Variants in CFAP251 observed in about 807,000 individuals in gnomAD.
The protein encoded by CFAP251 is cilia and flagella associated protein 251.
A neutral mutation model predicts 126.7 loss-of-function variants in CFAP251; 93 were observed. That is an observed-to-expected ratio of 0.73 (90% CI 0.62 to 0.87). CFAP251 has a LOEUF of 0.87. CFAP251 is among the 40% of genes least tolerant of loss of function. The probability of loss-of-function intolerance (pLI) is 0.00; values close to 1 mark genes in which losing one functional copy is unlikely to be tolerated. For synonymous variants in CFAP251, 503 were observed against 506.9 expected (o/e 0.99, Z 0.10); for missense variants, 1,287 against 1,389.2 (o/e 0.93, Z 1.17).
intron 13 of CFAP251, 70 bp from the exon 14 acceptor site, chr12:121,960,515 G>C: frequency 6.4e-7 from 1 of 1,564,264 alleles, no homozygotes; most frequent in Non-Finnish European, 8.8e-7. Context: ...ACCGCGCCTG[G>C]CCCATAATGA....
At chr12:122,002,821 A>G (rs954586697) in intron 21 of CFAP251, among the ~76,000 whole-genome samples, 5 of 152,102 alleles carry the variant, frequency 3.3e-5, no homozygotes, top group African/African-American at 1.2e-4. Context: ...GTCAGATCCC[A>G]CCACCATCAC....
At chr12:121,994,119 C>T (rs1882964720) in intron 19 of CFAP251, among the ~76,000 whole-genome samples, 1 of 115,864 alleles carries the variant, frequency 8.6e-6, no homozygotes, top group African/African-American at 3.4e-5. Context: ...AGGAGCCCCT[C>T]TGCCCGGCCA....
intron 19 of CFAP251, among the ~76,000 whole-genome samples, chr12:121,985,145 TTAAA>T (rs1882715535): frequency 6.6e-6 from 1 of 152,360 alleles, no homozygotes; most frequent in Admixed American, 6.5e-5. Context: ...TAGAAAGGAA[TTAAA>T]TAGTCACTTA....
chr12:121,999,994 T>G, intron 20 of CFAP251, 50 bp downstream of exon 20: 1 of 1,517,012 alleles, frequency 6.6e-7, no homozygotes, highest in Non-Finnish European at 9.1e-7. Context: ...CCATTCCCAG[T>G]GTAGAGAACT....
chr12:121,924,522 T>C (rs1880329689), intron 3 of CFAP251, among the ~76,000 whole-genome samples: 1 of 143,920 alleles, frequency 6.9e-6, no homozygotes, highest in Non-Finnish European at 1.5e-5. Flanking sequence ...AACCTCCGCC[T>C]CCCGGGTTCA....
intron 19 of CFAP251, among the ~76,000 whole-genome samples, chr12:121,978,025 A>C (rs1206365432): frequency 3.3e-5 from 5 of 151,916 alleles, no homozygotes; most frequent in Admixed American, 3.3e-4. Flanking sequence ...AAACTAATTG[A>C]TACCACATGG....
intron 21 of CFAP251, chr12:122,001,799 CT>C: frequency 1.7e-6 from 1 of 585,518 alleles, no homozygotes. Flanking sequence ...TCTGTCCGTC[CT>C]TTTGTTTCTT....
Position 121,984,575 on chromosome 12 carries a change from G to A in CFAP251, c.3006+8890G>A, listed in dbSNP as rs561412938. 2.0e-5 allele frequency among the ~76,000 whole-genome samples: 3 copies of A among 152,212 alleles called. No individual in the cohort carries two copies. The South Asian group carries it at 6.2e-4, about 32-fold the overall frequency. On this transcript the variant is annotated intron_variant, in intron 19 of 21. Transcript: ENST00000288912. The stretch of plus-strand genomic sequence containing the variant: ...CCTGCCTTGGCCTCCCAAAGTGCTG[G>A]GATTACAAGGTGTGAGCCACGGCGC...
chr12:121,942,390 T>C (rs1374269681), intron 5 of CFAP251, 144 bp from the exon 6 acceptor site: 1 of 570,306 alleles, frequency 1.8e-6, no homozygotes, highest in African/African-American at 1.9e-5. Context: ...TTCCCTTTTA[T>C]GACTCAGAAA....
At chr12:121,926,832 A>C (rs1880438266) in intron 3 of CFAP251, among the ~76,000 whole-genome samples, 1 of 152,088 alleles carries the variant, frequency 6.6e-6, no homozygotes, top group African/African-American at 2.4e-5. Context: ...AATCCCAGCT[A>C]CTTAGGAGAC....
At chr12:121,928,705 T>TACGTATATATATATATA (rs370530855) in intron 3 of CFAP251, among the ~76,000 whole-genome samples, 1 of 48,298 alleles carries the variant, frequency 2.1e-5, no homozygotes, top group African/African-American at 5.3e-5. Flanking sequence ...TATATATATA[T>TACGTATATATATATATA]TTTTTTTTTG....
chr12:121,939,495 C>T (rs1881022116), intron 5 of CFAP251, among the ~76,000 whole-genome samples: 1 of 152,146 alleles, frequency 6.6e-6, no homozygotes, highest in Non-Finnish European at 1.5e-5. Context: ...TGACCAACAC[C>T]TTCACCAGAC....
rs191459953 is a variant in CFAP251, at chr12:121,957,119, T to A, written c.1581T>A (p.Asp527Glu). 1.4e-4 allele frequency: 228 copies of A among 1,612,646 alleles called. No individual in the cohort carries two copies. In the African/African-American group the frequency reaches 2.9e-3, roughly 20 times the overall value. Reference protein sequence around the residue: ...GDIKGNIKFYDHTLSIVNWYS... With the variant: ...GDIKGNIKFYEHTLSIVNWYS... ...TTAAGGGGAACATTAAGTTCTATGATCACACCCTGTCTATTGTTAACTGGT... is the reference window on the plus strand; with the variant it reads ...TTAAGGGGAACATTAAGTTCTATGAACACACCCTGTCTATTGTTAACTGGT... Residue 527 changes from aspartate (D) to glutamate (E), a missense_variant, in exon 11 of 22, where the codon GAT (aspartate) becomes GAA (glutamate). Transcript: ENST00000288912.
intron 1 of CFAP251, 63 bp from the exon 2 acceptor site, chr12:121,921,223 G>A (rs1880156324): frequency 2.7e-6 from 4 of 1,492,584 alleles, no homozygotes; most frequent in Non-Finnish European, 3.6e-6. Context: ...GTAGGTTAGT[G>A]CACTAGGAGA....
chr12:121,963,927 G>A (rs1233370631), intron 15 of CFAP251, among the ~76,000 whole-genome samples: 7 of 151,848 alleles, frequency 4.6e-5, no homozygotes, highest in Non-Finnish European at 8.8e-5. Context: ...TGGTTTGGCT[G>A]TGTCTTGGGT....
chr12:121,983,171 GAC>G, intron 19 of CFAP251, among the ~76,000 whole-genome samples: 1 of 152,174 alleles, frequency 6.6e-6, no homozygotes, highest in Admixed American at 6.5e-5. Context: ...AGGAGATCAA[GAC>G]TGTAGTGAGC....
intron 17 of CFAP251, among the ~76,000 whole-genome samples, chr12:121,970,144 C>T (rs1882284638): frequency 6.6e-6 from 1 of 152,146 alleles, no homozygotes; most frequent in South Asian, 2.1e-4. Flanking sequence ...CCCCTTGGCC[C>T]CAACTGCTAC....
Position 121,923,811 on chromosome 12 carries a change from C to T in CFAP251, c.568C>T (p.Pro190Ser), listed in dbSNP as rs1489473204. 3 of 1,614,110 alleles carry T rather than the reference C, an allele frequency of 1.9e-6. No homozygotes were observed. The highest frequency in any genetic ancestry group is 2.2e-5 in the East Asian group (1 of 44,876). ...GCTTGAGGAGAAAACCGACCGGATG[C>T]CCCAAGATGAACTGGGACAAGAAAG... ...GELEEKTDRM[P>S]QDELGQERRD... The change falls in exon 3 of 22, where the codon CCC becomes TCC. Residue 190 changes from proline to serine, a missense_variant. By Grantham distance (74) the Pro-to-Ser change is moderately conservative (BLOSUM62 -1). Coordinates refer to ENST00000288912, the MANE Select transcript of CFAP251 (RefSeq NM_144668.6).
Position 121,958,274 on chromosome 12 carries a change from A to C in CFAP251, c.1733A>C (p.Asn578Thr). Residue 578 changes from asparagine to threonine, a missense_variant and splice_region_variant, in exon 12 of 22, where the codon AAT (asparagine) becomes ACT (threonine). By Grantham distance (65) the Asn-to-Thr change is moderately conservative. Coordinates refer to ENST00000288912, the MANE Select transcript of CFAP251 (RefSeq NM_144668.6). ...TLKGDLFVLR[N>T]FIIGTSDAAV... is the part of the protein sequence containing the mutation. ...TTTGGTCTCTCCTTGGCAAACAGGAATTTTATCATTGGAACATCTGATGCC... is the reference window on the plus strand; with the variant it reads ...TTTGGTCTCTCCTTGGCAAACAGGACTTTTATCATTGGAACATCTGATGCC... 6.2e-7 allele frequency: 1 copy of C among 1,613,954 alleles called. No individual in the cohort carries two copies. The highest frequency in any genetic ancestry group is 8.5e-7 in the Non-Finnish European group (1 of 1,179,842).
Sources: allele counts gnomAD v4.1 joint callset (sites outside exome capture counted in the v4.1 genomes callset), GRCh38; gene constraint gnomAD v4.1.1; transcripts MANE v1.5; gene names NCBI Gene and HGNC (gene_info 2026-07-23, HGNC 2026-07-21).